Variants in MYO16 observed in about 807,000 individuals in gnomAD.
MYO16 encodes myosin XVI, also known as unconventional myosin-XVI.
A neutral mutation model predicts 205.3 loss-of-function variants in MYO16; 94 were observed. That is an observed-to-expected ratio of 0.46 (90% CI 0.39 to 0.54). The LOEUF (loss-of-function observed/expected upper bound fraction) is 0.54. MYO16 is among the 20% of genes least tolerant of loss of function. The pLI is 0.00. For missense variants in MYO16, 2,315 were observed against 2,387.5 expected, an observed-to-expected ratio of 0.97 and a Z score of 0.63; for synonymous variants, 988 against 954.0, an observed-to-expected ratio of 1.04 and a Z score of -0.66.
In MYO16 at chr13:108,884,296, C is replaced by T. The variant is rs535226492; in HGVS notation, c.1553+1110C>T. 6.6e-5 allele frequency among the ~76,000 whole-genome samples: 10 copies of T among 152,308 alleles called. No homozygotes were observed. The East Asian group carries it at 1.2e-3, about 18-fold the overall frequency. On this transcript the variant is annotated intron_variant, in intron 13 of 34. Transcript: ENST00000457511. ...GAGGGTGGAGGGACAGACTGATGGG[C>T]GCACACTTTAGTTTTCTAGTTTTCA...
intron 7 of MYO16, among the ~76,000 whole-genome samples, chr13:108,812,353 A>G (rs1163436118): frequency 6.6e-6 from 1 of 152,182 alleles, no homozygotes; most frequent in African/African-American, 2.4e-5. Flanking sequence ...TCAAAATATC[A>G]TCATATCTCA....
chr13:108,996,096 G>A (rs774319738), intron 21 of MYO16, among the ~76,000 whole-genome samples: 1 of 152,124 alleles, frequency 6.6e-6, no homozygotes, highest in Non-Finnish European at 1.5e-5. Context: ...ATACCCAAAG[G>A]ATTATAAATC....
intron 20 of MYO16, among the ~76,000 whole-genome samples, chr13:108,984,540 C>G (rs1884561095): frequency 6.6e-6 from 1 of 152,186 alleles, no homozygotes; most frequent in Non-Finnish European, 1.5e-5. Flanking sequence ...CATACCTTTT[C>G]TTTGACAATC....
At chr13:108,949,248 AAGGCACCATC>A (rs1883052117) in intron 16 of MYO16, among the ~76,000 whole-genome samples, 1 of 152,182 alleles carries the variant, frequency 6.6e-6, no homozygotes, top group African/African-American at 2.4e-5. Flanking sequence ...TAGTCTAAAG[AAGGCACCATC>A]AGGCTTTGTG....
intron 20 of MYO16, among the ~76,000 whole-genome samples, chr13:108,983,693 G>T (rs1360133766): frequency 1.3e-5 from 2 of 152,170 alleles, no homozygotes; most frequent in East Asian, 3.9e-4. Flanking sequence ...CCAGCTTGTT[G>T]CTCTCCAAAT....
chr13:109,006,812 GAGTAAGCTCACA>G (rs896196619), intron 21 of MYO16, among the ~76,000 whole-genome samples: 1 of 152,170 alleles, frequency 6.6e-6, no homozygotes, highest in African/African-American at 2.4e-5. Context: ...CTGTAAAACT[GAGTAAGCTCACA>G]AAAGAAGTGG....
intron 24 of MYO16, among the ~76,000 whole-genome samples, 197 bp downstream of exon 24, chr13:109,047,188 A>G (rs568534341): frequency 3.7e-4 from 56 of 152,320 alleles, no homozygotes; most frequent in African/African-American, 1.3e-3. Flanking sequence ...TTGGAGTCCA[A>G]TGGAAACCAT....
rs538147272 is a variant in MYO16 at position 108,752,154 on chromosome 13, T to A, written c.507+24571T>A. 4.6e-5 allele frequency among the ~76,000 whole-genome samples: 7 copies of A among 152,224 alleles called. No homozygotes were observed. In the East Asian group the frequency reaches 1.4e-3, roughly 29 times the overall value. ...TTTCAAGTTTAAAACTGTCTTCAAATAAAATATTAATTTAAAATGTATTTT... is the reference window on the plus strand; with the variant it reads ...TTTCAAGTTTAAAACTGTCTTCAAAAAAAATATTAATTTAAAATGTATTTT... On this transcript the variant is annotated intron_variant, in intron 4 of 34. Coordinates refer to ENST00000457511, the MANE Select transcript of MYO16 (RefSeq NM_001198950.3).
chr13:109,011,283 G>C (rs553611966), intron 22 of MYO16, among the ~76,000 whole-genome samples: 176 of 151,914 alleles, frequency 1.2e-3, no homozygotes, highest in Non-Finnish European at 1.8e-3. Flanking sequence ...AGGTTATGTG[G>C]CTTCTCAAAG....
intron 23 of MYO16, among the ~76,000 whole-genome samples, chr13:109,023,145 TTA>T (rs1294265177): frequency 7.7e-6 from 1 of 130,522 alleles, no homozygotes; most frequent in African/African-American, 2.8e-5. Context: ...ATGTATATGT[TTA>T]TGTATTATAT....
chr13:109,128,857 C>T (rs1055889547), intron 31 of MYO16, among the ~76,000 whole-genome samples: 20 of 150,554 alleles, frequency 1.3e-4, no homozygotes, highest in East Asian at 1.9e-4. Flanking sequence ...CTGCAACCTC[C>T]GCCTCTGGGG....
intron 3 of MYO16, among the ~76,000 whole-genome samples, chr13:108,719,816 G>A (rs769197746): frequency 6.6e-6 from 1 of 152,068 alleles, no homozygotes; most frequent in Non-Finnish European, 1.5e-5. Flanking sequence ...ATATCAAACA[G>A]CACTATTTCT....
intron 2 of MYO16, among the ~76,000 whole-genome samples, chr13:108,681,584 T>C (rs1882464487): frequency 6.6e-6 from 1 of 152,002 alleles, no homozygotes. Flanking sequence ...GTCTTGTTTT[T>C]CTCATCTTCC....
chr13:108,662,113 T>G (rs1385392545), intron 1 of MYO16, among the ~76,000 whole-genome samples: 1 of 152,248 alleles, frequency 6.6e-6, no homozygotes, highest in Non-Finnish European at 1.5e-5. Flanking sequence ...GGGGGTTGTC[T>G]GCACAGAGTC....
At chr13:108,854,197 G>A (rs1003915118) in intron 10 of MYO16, among the ~76,000 whole-genome samples, 3 of 151,880 alleles carry the variant, frequency 2.0e-5, no homozygotes, top group African/African-American at 4.8e-5. Context: ...AGGTTTCGCC[G>A]CGTTGGTCAG....
chr13:108,562,082 T>C, the MYO16 span, among the ~76,000 whole-genome samples: 1 of 152,210 alleles, frequency 6.6e-6, no homozygotes, highest in Non-Finnish European at 1.5e-5. Flanking sequence ...ATGGACTTTA[T>C]AGTCAATACA....
intron 4 of MYO16, among the ~76,000 whole-genome samples, chr13:108,754,032 G>A (rs117935210): frequency 1.7e-3 from 262 of 152,320 alleles, no homozygotes; most frequent in Non-Finnish European, 2.7e-3. Flanking sequence ...CAGTCATTGC[G>A]TTCTAGTAGA....
rs1386688850 is a variant in MYO16 at position 108,951,016 on chromosome 13, TA to T, written c.1926-6668del. On this transcript the variant is annotated intron_variant, in intron 16 of 34. Transcript: ENST00000457511. ...CTTGATAACAGATGTAGGGATGATTTAAAAGCATTACCTTCCTCAAAACGTT... is the reference window on the plus strand; with the variant it reads ...CTTGATAACAGATGTAGGGATGATTTAAAGCATTACCTTCCTCAAAACGTT... 2.0e-5 allele frequency among the ~76,000 whole-genome samples: 3 copies of T among 152,144 alleles called. No homozygotes were observed. The East Asian group carries it at 5.8e-4, about 29-fold the overall frequency.
At chr13:108,732,314 A>G (rs566010157) in intron 4 of MYO16, among the ~76,000 whole-genome samples, 7 of 152,346 alleles carry the variant, frequency 4.6e-5, no homozygotes, top group African/African-American at 1.7e-4. Context: ...TAGAGCTTAC[A>G]TTCTATTAAG....
Sources: allele counts gnomAD v4.1 joint callset (sites outside exome capture counted in the v4.1 genomes callset), GRCh38; gene constraint gnomAD v4.1.1; transcripts MANE v1.5; gene names NCBI Gene and HGNC (gene_info 2026-07-23, HGNC 2026-07-21).